KLHL29: variants seen among roughly 807,000 people sequenced by gnomAD.
The protein encoded by KLHL29 is kelch-like protein 29.
A neutral mutation model predicts 80.4 loss-of-function variants in KLHL29; 21 were observed. The observed-to-expected ratio is 0.26, with a 90% confidence interval of 0.19 to 0.38. The LOEUF is 0.38. Among genes scored for constraint, KLHL29 ranks in the 10% least tolerant of loss-of-function variants. The pLI, the probability that KLHL29 is intolerant of heterozygous loss-of-function variation, is 1.00. For missense variants in KLHL29, 867 were observed against 1,223.9 expected (o/e 0.71, Z 4.35); for synonymous variants, 511 against 526.8 (o/e 0.97, Z 0.41).
At chr2:23,482,122 A>G (rs947139259) in intron 2 of KLHL29, among the ~76,000 whole-genome samples, 34 of 152,276 alleles carry the variant, frequency 2.2e-4, no homozygotes, top group African/African-American at 7.2e-4. Flanking sequence ...GGAGATGCCC[A>G]GGGATGGACT....
At chr2:23,699,010 C>T (rs1267611694) in intron 11 of KLHL29, among the ~76,000 whole-genome samples, 4 of 152,264 alleles carry the variant, frequency 2.6e-5, no homozygotes, top group Admixed American at 2.0e-4. Context: ...GAACTTCTGA[C>T]ACTGTCCAAA....
intron 2 of KLHL29, among the ~76,000 whole-genome samples, chr2:23,532,086 A>G (rs1235727888): frequency 1.3e-5 from 2 of 152,132 alleles, no homozygotes; most frequent in African/African-American, 2.4e-5. Context: ...CACTGGGCCT[A>G]TTCCACAACG....
intron 5 of KLHL29, among the ~76,000 whole-genome samples, chr2:23,651,861 G>A (rs1220030791): frequency 6.6e-6 from 1 of 152,078 alleles, no homozygotes; most frequent in African/African-American, 2.4e-5. Flanking sequence ...AACACTCCTG[G>A]TGTCTCTTCC....
At chr2:23,441,983 G>A (rs1212045382) in intron 1 of KLHL29, among the ~76,000 whole-genome samples, 1 of 152,284 alleles carries the variant, frequency 6.6e-6, no homozygotes, top group East Asian at 1.9e-4. Flanking sequence ...AGAAAACTGA[G>A]TATGTTATCT....
At chr2:23,392,956 T>C (rs1038201728) in intron 1 of KLHL29, among the ~76,000 whole-genome samples, 4 of 152,238 alleles carry the variant, frequency 2.6e-5, no homozygotes, top group African/African-American at 4.8e-5. Flanking sequence ...CCTGCTTCCA[T>C]TTACTGTGGT....
chr2:23,540,463 C>A (rs1237777055), intron 2 of KLHL29, among the ~76,000 whole-genome samples: 1 of 152,228 alleles, frequency 6.6e-6, no homozygotes, highest in Non-Finnish European at 1.5e-5. Flanking sequence ...TTGTCCTTTC[C>A]TCTTGAGCAT....
intron 6 of KLHL29, among the ~76,000 whole-genome samples, chr2:23,686,988 CA>C (rs1459362934): frequency 6.6e-6 from 1 of 152,136 alleles, no homozygotes; most frequent in African/African-American, 2.4e-5. Flanking sequence ...CGTGTAAAAT[CA>C]TAGAGAATTT....
chr2:23,413,777 G>C (rs533272844), intron 1 of KLHL29, among the ~76,000 whole-genome samples: 1 of 152,308 alleles, frequency 6.6e-6, no homozygotes, highest in South Asian at 2.1e-4. Flanking sequence ...TCTGAAGGTG[G>C]CATCGATGGC....
At position 23,596,116 on chromosome 2, in the gene KLHL29, G is replaced by A. The variant is rs1312822338; in HGVS notation, c.285+33635G>A. Among the ~76,000 whole-genome samples the A allele has an allele frequency of 6.6e-6, 1 of 152,166 alleles. No individual in the cohort carries two copies. The highest frequency in any genetic ancestry group is 1.5e-5 in the Non-Finnish European group (1 of 68,038). On this transcript the variant is annotated intron_variant, in intron 3 of 13. Transcript: ENST00000486442. The surrounding 1 kb of genome is among the most constrained non-coding windows in gnomAD (Gnocchi z 4.4). ...TGCCATGGAGAAGCTGGGTCTGTTG[G>A]TGGTTTGAACTGAGCCGCATACAAT...
chr2:23,440,396 A>G (rs916964132), intron 1 of KLHL29, among the ~76,000 whole-genome samples: 33 of 152,030 alleles, frequency 2.2e-4, no homozygotes, highest in African/African-American at 7.7e-4. Flanking sequence ...CCTAGGCATT[A>G]CAATTCAGGA....
chr2:23,516,397 C>A (rs752648696), intron 2 of KLHL29, among the ~76,000 whole-genome samples: 16 of 152,124 alleles, frequency 1.1e-4, no homozygotes, highest in Non-Finnish European at 1.8e-4. Context: ...AATACACACA[C>A]GCGCACACAC....
chr2:23,388,358 A>C (rs1666236286), intron 1 of KLHL29, among the ~76,000 whole-genome samples: 1 of 152,248 alleles, frequency 6.6e-6, no homozygotes. Context: ...GCATTGAGTC[A>C]GTCACTTTAA....
At chr2:23,557,158 T>C (rs1349756641) in intron 2 of KLHL29, among the ~76,000 whole-genome samples, 1 of 152,212 alleles carries the variant, frequency 6.6e-6, no homozygotes, top group Non-Finnish European at 1.5e-5. Flanking sequence ...ACCTCATCCA[T>C]TCCAGGCCTC....
intron 1 of KLHL29, among the ~76,000 whole-genome samples, chr2:23,429,175 C>T (rs1663096717): frequency 6.6e-6 from 1 of 152,244 alleles, no homozygotes; most frequent in African/African-American, 2.4e-5. Context: ...CGTGTGCATA[C>T]ATGCTCAGCT....
chr2:23,559,740 T>C (rs1332848165), intron 2 of KLHL29, among the ~76,000 whole-genome samples: 3 of 151,548 alleles, frequency 2.0e-5, no homozygotes, highest in Non-Finnish European at 4.4e-5. Context: ...GTGGGGGTGG[T>C]GCTTAAGAGA....
intron 3 of KLHL29, among the ~76,000 whole-genome samples, chr2:23,602,613 ATTTTTTT>A (rs3028904): frequency 7.1e-6 from 1 of 140,318 alleles, no homozygotes; most frequent in Non-Finnish European, 1.5e-5. Context: ...CTCTACGTGA[ATTTTTTT>A]TTTTTTTTTT....
chr2:23,517,523 C>T (rs780001627), intron 2 of KLHL29, among the ~76,000 whole-genome samples: 2 of 152,172 alleles, frequency 1.3e-5, no homozygotes, highest in East Asian at 1.9e-4. Flanking sequence ...TCCAGCCTGC[C>T]GACAGAGCGA....
intron 5 of KLHL29, among the ~76,000 whole-genome samples, chr2:23,654,268 G>A (rs563778928): frequency 1.2e-4 from 18 of 152,012 alleles, no homozygotes; most frequent in African/African-American, 3.9e-4. Flanking sequence ...GAGCACCTTC[G>A]AGAGCCAGAA....
At chr2:23,674,529 G>C (rs1670870611) in intron 5 of KLHL29, among the ~76,000 whole-genome samples, 1 of 152,118 alleles carries the variant, frequency 6.6e-6, no homozygotes, top group Non-Finnish European at 1.5e-5. Flanking sequence ...TATCTATCCT[G>C]GCTTCTTCAA....
Sources: gnomAD v4.1 joint callset for allele counts (sites outside exome capture counted in the v4.1 genomes callset) on GRCh38, gnomAD v4.1.1 for gene constraint, Gnocchi (gnomAD v3.1) non-coding constraint, MANE v1.5 for transcripts, NCBI Gene and HGNC (gene_info 2026-07-23, HGNC 2026-07-21) for gene names.